Variants in ZNF516 observed in about 807,000 individuals in gnomAD.
ZNF516 encodes zinc finger protein 516.
In ZNF516, 19 loss-of-function variants were observed where a neutral mutation model predicts 79.7. The observed-to-expected ratio is 0.24, with a 90% CI of 0.17 to 0.35. The LOEUF is 0.35. ZNF516 is among the 10% of genes least tolerant of loss of function. ZNF516 has a pLI of 1.00. For missense variants in ZNF516, 1,678 were observed against 1,679.5 expected, an observed-to-expected ratio of 1.00 and a Z score of 0.02; for synonymous variants, 877 against 739.5, an observed-to-expected ratio of 1.19 and a Z score of -3.02.
At position 76,361,147 on chromosome 18, in the gene ZNF516, T is replaced by G. The variant is rs1452140775; in HGVS notation, c.*1351A>C. 6.6e-6 allele frequency: 1 copy of G among 152,190 alleles called. No homozygotes were observed. Among genetic ancestry groups the G allele is most frequent in the Non-Finnish European group, 1.5e-5 (1 of 68,034 alleles). The allele number at this position is 152,190 out of a possible 1,614,324, so 9.4% of individuals were successfully genotyped here. A position where few individuals can be genotyped will look rare whatever the true frequency, so the allele number is the denominator to read the frequency against. ...TTTGCAAAAAATTTCACAGAACATT[T>G]TCATTCAAGGCAGCAGTAACTTTTG... On this transcript the variant is annotated 3_prime_UTR_variant, in exon 7 of 7. Transcript: ENST00000443185.
chr18:76,491,687 C>G, intron 1 of ZNF516: 2 of 244,472 alleles, frequency 8.2e-6, no homozygotes, highest in Non-Finnish European at 1.3e-5. Context: ...CCGGGGCGGG[C>G]AGGTGAGTCC....
At chr18:76,482,013 T>A (rs1010338756) in intron 1 of ZNF516, among the ~76,000 whole-genome samples, 6 of 152,226 alleles carry the variant, frequency 3.9e-5, no homozygotes, top group Non-Finnish European at 7.3e-5. Flanking sequence ...AGAATGTTAT[T>A]GAAGGCACTG....
chr18:76,403,822 T>A (rs2145236739), intron 3 of ZNF516, among the ~76,000 whole-genome samples: 1 of 152,364 alleles, frequency 6.6e-6, no homozygotes, highest in Non-Finnish European at 1.5e-5. Flanking sequence ...TATGATGTAT[T>A]CACATCAAAA....
chr18:76,388,977 C>G (rs952990930), intron 3 of ZNF516: 3 of 152,568 alleles, frequency 2.0e-5, no homozygotes, highest in African/African-American at 7.2e-5. Context: ...AGCAAATGAA[C>G]AAGAGTGAGC....
chr18:76,364,272 TTTAAG>T (rs2074582339), intron 6 of ZNF516, among the ~76,000 whole-genome samples: 4 of 152,332 alleles, frequency 2.6e-5, no homozygotes, highest in Admixed American at 2.6e-4. Context: ...AGATAGTTGC[TTTAAG>T]TTATTGATTC....
At chr18:76,415,558 G>A (rs192616839) in intron 3 of ZNF516, among the ~76,000 whole-genome samples, 41 of 152,254 alleles carry the variant, frequency 2.7e-4, no homozygotes, top group Admixed American at 1.3e-3. Context: ...CTGCCTCTCC[G>A]TTGGATTCTG....
In ZNF516 at chr18:76,402,473, C is replaced by A. The variant is rs116705467; in HGVS notation, c.1811-22170G>T. On this transcript the variant is annotated intron_variant, in intron 3 of 6. Transcript: ENST00000443185. ...ACCCGGACCTGTGTGACCTGTGACC[C>A]CCTCTGCCACCCACGTGACAGGACA... 6.1e-3 allele frequency among the ~76,000 whole-genome samples: 926 copies of A among 152,262 alleles called. 16 individuals carry two copies. Among genetic ancestry groups the A allele is most frequent in the African/African-American group, 0.02 (847 of 41,546 alleles).
chr18:76,496,391 G>C (rs1441755858), upstream of ZNF516: 1 of 1,289,704 alleles, frequency 7.8e-7, no homozygotes, highest in Admixed American at 2.3e-5. Flanking sequence ...AATCCTGGCG[G>C]TTACCTCAGC....
intron 3 of ZNF516, among the ~76,000 whole-genome samples, chr18:76,395,856 C>A (rs1162527930): frequency 6.6e-6 from 1 of 152,184 alleles, no homozygotes; most frequent in Non-Finnish European, 1.5e-5. Context: ...CTGCAGGAGC[C>A]AAGTGTTTCA....
intron 3 of ZNF516, among the ~76,000 whole-genome samples, chr18:76,413,347 G>A (rs920302839): frequency 6.6e-6 from 1 of 152,174 alleles, no homozygotes; most frequent in African/African-American, 2.4e-5. Flanking sequence ...CTTCTCTGGC[G>A]GACGCCAGGC....
At chr18:76,404,520 C>A (rs2075275140) in intron 3 of ZNF516, among the ~76,000 whole-genome samples, 1 of 151,320 alleles carries the variant, frequency 6.6e-6, no homozygotes, top group South Asian at 2.1e-4. Flanking sequence ...TGTGACTGCA[C>A]AAGTAATGTG....
rs190826301 is a variant in ZNF516 at position 76,412,876 on chromosome 18, C to A, written c.1810+28369G>T. On this transcript the variant is annotated intron_variant, in intron 3 of 6. Transcript: ENST00000443185. ...TCCCTCAATGTCCCGGGACACCGGG[C>A]TGAGTGTGGCATCCTCCCTCCACCT... Among the ~76,000 whole-genome samples the A allele has an allele frequency of 4.4e-3, 675 of 152,318 alleles. 6 individuals are homozygous for A. The highest frequency in any genetic ancestry group is 6.9e-3 in the Non-Finnish European group (468 of 68,016).
intron 3 of ZNF516, among the ~76,000 whole-genome samples, chr18:76,408,261 G>C (rs889481585): frequency 6.6e-6 from 1 of 152,204 alleles, no homozygotes; most frequent in Non-Finnish European, 1.5e-5. Flanking sequence ...TTGGAAGGCT[G>C]AGTTCCTAGT....
intron 1 of ZNF516, among the ~76,000 whole-genome samples, chr18:76,472,297 C>T (rs959018054): frequency 1.3e-5 from 2 of 152,154 alleles, no homozygotes; most frequent in Non-Finnish European, 2.9e-5. Context: ...TCTCAAACAT[C>T]AGCTCTTGGC....
At chr18:76,490,606 A>C (rs1915115712) in intron 1 of ZNF516, 1 of 258,498 alleles carries the variant, frequency 3.9e-6, no homozygotes, top group Non-Finnish European at 6.1e-6. Flanking sequence ...CGTTGCATCT[A>C]CTCGGGTCAT....
intron 1 of ZNF516, among the ~76,000 whole-genome samples, chr18:76,463,463 C>T (rs1913250333): frequency 6.6e-6 from 1 of 152,252 alleles, no homozygotes; most frequent in Non-Finnish European, 1.5e-5. Flanking sequence ...GTTGTCAATC[C>T]AGCCTATCAA....
intron 6 of ZNF516, among the ~76,000 whole-genome samples, chr18:76,368,376 G>A (rs1025733273): frequency 2.6e-5 from 4 of 152,068 alleles, no homozygotes; most frequent in Non-Finnish European, 5.9e-5. Flanking sequence ...TACTTTAAAT[G>A]TAATGAAAGA....
Position 76,450,184 on chromosome 18 carries a change from A to AGGT in ZNF516, c.-157-6974_-157-6973insACC, listed in dbSNP as rs1555714179. 5.4e-4 allele frequency among the ~76,000 whole-genome samples: 56 copies of AGGT among 103,294 alleles called. 3 individuals are homozygous for AGGT. The South Asian group carries it at 0.021, about 39-fold the overall frequency. The allele number at this position is 103,294 out of a possible 152,430, so 67.8% of individuals were successfully genotyped here. ...GAATGTTAACAACTCATGAAACTAA[A>AGGT]GGGGGGGGGGTGTTTATTTCTAACT... On this transcript the variant is annotated intron_variant, in intron 2 of 6. Transcript: ENST00000443185.
At chr18:76,385,041 C>A (rs538034080) in intron 3 of ZNF516, among the ~76,000 whole-genome samples, 1 of 152,210 alleles carries the variant, frequency 6.6e-6, no homozygotes, top group African/African-American at 2.4e-5. Flanking sequence ...TCCGGGTGCA[C>A]GGAAGCACGT....
Sources: gnomAD v4.1 joint callset for allele counts (sites outside exome capture counted in the v4.1 genomes callset) on GRCh38, gnomAD v4.1.1 for gene constraint, MANE v1.5 for transcripts, NCBI Gene and HGNC (gene_info 2026-07-23, HGNC 2026-07-21) for gene names.